Variants in PLCH1 observed in about 807,000 individuals in gnomAD.
PLCH1 encodes the protein 1-phosphatidylinositol 4,5-bisphosphate phosphodiesterase eta-1.
PLCH1 carries 60 observed loss-of-function variants against 126.7 expected under a neutral mutation model. That is an observed-to-expected ratio of 0.47 (90% CI 0.38 to 0.59). The LOEUF (loss-of-function observed/expected upper bound fraction) is 0.59, where lower values mean the gene tolerates loss of function less well. Among genes scored for constraint, PLCH1 ranks in the 20% least tolerant of loss-of-function variants. The pLI is 0.00. For synonymous variants in PLCH1, 719 were observed against 734.9 expected (o/e 0.98, Z 0.35); for missense variants, 1,723 against 2,040.0 (o/e 0.84, Z 2.99).
chr3:155,628,485 C>T (rs184093558), intron 2 of PLCH1, among the ~76,000 whole-genome samples: 6 of 151,910 alleles, frequency 3.9e-5, no homozygotes, highest in Non-Finnish European at 1.5e-5. Context: ...GCCATCCCAT[C>T]ATTCTTCTGC....
At chr3:155,498,008 C>A (rs1198078856) in intron 14 of PLCH1, among the ~76,000 whole-genome samples, 3 of 152,184 alleles carry the variant, frequency 2.0e-5, no homozygotes, top group South Asian at 2.1e-4. Flanking sequence ...AGCCACAGCA[C>A]CTGGCCATGA....
rs757099831 is a variant in PLCH1, at chr3:155,492,770, G to A, written c.2266C>T (p.Leu756Phe). The change falls in exon 18 of 23, where the codon CTC becomes TTC. Residue 756 changes from leucine to phenylalanine, a missense_variant. Physicochemically the swap from Leu to Phe is conservative, Grantham distance 22 (BLOSUM62 0). This residue lies in a region of PLCH1 where 776 missense variants were observed against 1,062.9 expected (regional missense o/e 0.73). Transcript: ENST00000460012. ...LILKVISGQQ[L>F]PKPPDSMFGD... ...AACATGGAGTCTGGAGGTTTGGGGA[G>A]TTGCTGTCCACTGATAACTTTCAGG... 3 of 1,607,200 alleles carry A rather than the reference G, an allele frequency of 1.9e-6. No homozygotes were observed. In the Admixed American group the frequency reaches 5.1e-5, roughly 27 times the overall value.
At chr3:155,725,250 G>A (rs1022823707) in intron 1 of PLCH1, among the ~76,000 whole-genome samples, 8 of 152,064 alleles carry the variant, frequency 5.3e-5, no homozygotes, top group Admixed American at 5.2e-4. Context: ...GCTACCTGAA[G>A]ATGCATATGT....
chr3:155,548,104 A>C (rs974381185), intron 10 of PLCH1, among the ~76,000 whole-genome samples: 2 of 152,106 alleles, frequency 1.3e-5, no homozygotes, highest in Non-Finnish European at 2.9e-5. Context: ...AAATTTACAC[A>C]TATATAAATG....
intron 21 of PLCH1, among the ~76,000 whole-genome samples, chr3:155,461,892 G>C (rs994212477): frequency 8.5e-5 from 13 of 152,296 alleles, no homozygotes; most frequent in African/African-American, 3.1e-4. Context: ...ATAGTATCAG[G>C]CTCAGATCCT....
intron 10 of PLCH1, among the ~76,000 whole-genome samples, chr3:155,540,915 T>C (rs1017505896): frequency 2.6e-5 from 4 of 152,136 alleles, no homozygotes; most frequent in African/African-American, 9.7e-5. Context: ...AAGAAGTCAT[T>C]ATATGAGAAA....
At chr3:155,489,481 T>C (rs1715838157) in intron 19 of PLCH1, among the ~76,000 whole-genome samples, 1 of 152,202 alleles carries the variant, frequency 6.6e-6, no homozygotes, top group African/African-American at 2.4e-5. Flanking sequence ...AGACATTTTG[T>C]AGTTGAGAAA....
intron 2 of PLCH1, among the ~76,000 whole-genome samples, chr3:155,643,367 T>C (rs1739628689): frequency 6.6e-6 from 1 of 152,158 alleles, no homozygotes; most frequent in South Asian, 2.1e-4. Context: ...CCTGCCAGCA[T>C]CAACTTGAAA....
At chr3:155,603,646 A>ACAGCTGATCTAGCTTC (rs1228777136) in intron 2 of PLCH1, among the ~76,000 whole-genome samples, 2 of 152,220 alleles carry the variant, frequency 1.3e-5, no homozygotes, top group African/African-American at 4.8e-5. Context: ...AGTTTATAAA[A>ACAGCTGATCTAGCTTC]CAGCTGATCT....
intron 1 of PLCH1, among the ~76,000 whole-genome samples, chr3:155,711,512 A>G (rs1183798100): frequency 6.6e-6 from 1 of 152,170 alleles, no homozygotes; most frequent in Non-Finnish European, 1.5e-5. Flanking sequence ...ATGAAAAAAA[A>G]AATCCTTCAC....
At chr3:155,513,486 A>G (rs1321385445) in intron 12 of PLCH1, among the ~76,000 whole-genome samples, 1 of 152,196 alleles carries the variant, frequency 6.6e-6, no homozygotes, top group Non-Finnish European at 1.5e-5. Context: ...CTCCAAACGC[A>G]TAAGGGAAGT....
At chr3:155,460,814 ATAGATAGAT>A (rs896919006) in intron 21 of PLCH1, among the ~76,000 whole-genome samples, 2 of 151,192 alleles carry the variant, frequency 1.3e-5, no homozygotes, top group African/African-American at 4.9e-5. Flanking sequence ...AGATAGATAG[ATAGATAGAT>A]AGATAGATAG....
chr3:155,610,745 CA>C (rs1734972114), intron 2 of PLCH1, among the ~76,000 whole-genome samples: 1 of 151,236 alleles, frequency 6.6e-6, no homozygotes, highest in South Asian at 2.1e-4. Flanking sequence ...CAAAATACAC[CA>C]AAACAGAAGC....
intron 1 of PLCH1, among the ~76,000 whole-genome samples, chr3:155,738,510 G>T (rs1275420392): frequency 6.6e-6 from 1 of 152,062 alleles, no homozygotes; most frequent in Non-Finnish European, 1.5e-5. Flanking sequence ...GGGGCGGGGC[G>T]CAGTGGCTCA....
intron 22 of PLCH1, among the ~76,000 whole-genome samples, chr3:155,483,625 G>A (rs1336744608): frequency 6.6e-6 from 1 of 152,080 alleles, no homozygotes; most frequent in Admixed American, 6.5e-5. Context: ...AATATCTGTT[G>A]AGTTAAAATG....
chr3:155,711,651 CTG>C (rs1559956375), intron 1 of PLCH1, among the ~76,000 whole-genome samples: 1 of 152,178 alleles, frequency 6.6e-6, no homozygotes. Flanking sequence ...CTCCCACTCT[CTG>C]TTCAAAAGAT....
intron 8 of PLCH1, among the ~76,000 whole-genome samples, chr3:155,554,861 G>GT (rs1726600652): frequency 2.0e-5 from 3 of 152,182 alleles, no homozygotes; most frequent in African/African-American, 7.2e-5. Context: ...TATATGTAAA[G>GT]TAGCTTGTAA....
At chr3:155,500,943 T>A (rs898767909) in intron 13 of PLCH1, 149 bp from the exon 14 acceptor site, 1 of 607,684 alleles carries the variant, frequency 1.6e-6, no homozygotes. Flanking sequence ...TGCTTCAGCA[T>A]TAATAACAAG....
chr3:155,556,306 T>C (rs980763275), intron 8 of PLCH1, among the ~76,000 whole-genome samples: 12 of 152,258 alleles, frequency 7.9e-5, no homozygotes, highest in Non-Finnish European at 1.6e-4. Context: ...TGAGTCGAGC[T>C]CGTGACATTG....
Sources: gnomAD v4.1 joint callset for allele counts (sites outside exome capture counted in the v4.1 genomes callset) on GRCh38, gnomAD v4.1.1 for gene constraint, gnomAD v4.1.1 regional missense constraint, MANE v1.5 for transcripts, NCBI Gene and HGNC (gene_info 2026-07-23, HGNC 2026-07-21) for gene names.